Variants in MKRN3 observed in about 807,000 individuals in gnomAD.
MKRN3 encodes E3 ubiquitin-protein ligase makorin-3.
For missense variants in MKRN3, 749 were observed against 667.0 expected (o/e 1.12, Z -1.35); for synonymous variants, 301 against 250.2 (o/e 1.20, Z -1.91).
chr15:23,567,418 T>A lies in MKRN3; in HGVS notation c.*112T>A. 6.6e-7 allele frequency: 1 copy of A among 1,514,658 alleles called. No individual in the cohort carries two copies. Among genetic ancestry groups the A allele is most frequent in the Non-Finnish European group, 8.8e-7 (1 of 1,132,576 alleles). 93.8% of individuals were successfully genotyped at this position (1,514,658 alleles called of 1,614,324 possible). A position where few individuals can be genotyped will look rare whatever the true frequency, so the allele number is the denominator to read the frequency against. ...TCAGGGGCTGTTGAGGCAGTGCTTC[T>A]GTTTTCTTGTCTATTCTGCATATCT... On this transcript the variant is annotated 3_prime_UTR_variant, in exon 1 of 1. Transcript: ENST00000314520.
Position 23,565,718 on chromosome 15 carries a change from C to G in MKRN3, c.-65C>G. The G allele has an allele frequency of 6.9e-7, 1 of 1,448,710 alleles. No homozygotes were observed. Among genetic ancestry groups the G allele is most frequent in the Non-Finnish European group, 9.1e-7 (1 of 1,093,446 alleles). The allele number at this position is 1,448,710 out of a possible 1,614,324, so 89.7% of individuals were successfully genotyped here. ...CTCCGAGCGCGGCCGCCATTCCGGG[C>G]CTCAAGCCCATAAAGAAAAAATACC... On this transcript the variant is annotated 5_prime_UTR_variant, in exon 1 of 1. Transcript: ENST00000314520.
In MKRN3 at chr15:23,567,308, A is replaced by T; in HGVS notation, c.*2A>T. ...GAATATTTCAATTTGATTCTGTAGC[A>T]TCGTGCTGTGGCATGTGGTCTAGTC... On this transcript the variant is annotated 3_prime_UTR_variant, in exon 1 of 1. Coordinates refer to ENST00000314520, the MANE Select transcript of MKRN3 (RefSeq NM_005664.4). The T allele has an allele frequency of 6.2e-7, 1 of 1,613,658 alleles. No homozygotes were observed. Among genetic ancestry groups the T allele is most frequent in the Non-Finnish European group, 8.5e-7 (1 of 1,179,690 alleles).
In MKRN3 at chr15:23,566,528, G is replaced by C; in HGVS notation, c.746G>C (p.Arg249Thr). 1 of 1,614,206 alleles carries C rather than the reference G, an allele frequency of 6.2e-7. No homozygotes were observed. ...SGLRFCYYAS[R>T]GVCFRGESCM... ...TTGCGGTTTTGCTATTATGCTTCCA[G>C]GGGAGTTTGCTTTCGTGGGGAGAGC... Residue 249 changes from arginine to threonine, a missense_variant, in exon 1 of 1, where the codon AGG becomes ACG. Transcript: ENST00000314520.
At position 23,566,782 on chromosome 15, in the gene MKRN3, A is replaced by G; in HGVS notation, c.1000A>G (p.Asn334Asp). The G allele has an allele frequency of 6.2e-7, 1 of 1,614,184 alleles. No individual in the cohort carries two copies. Among genetic ancestry groups the G allele is most frequent in the Non-Finnish European group, 8.5e-7 (1 of 1,180,020 alleles). The part of the protein sequence containing the change: ...PNDRRFGILS[N>D]CNHSFCIRCI... Reference sequence around the variant, plus strand: ...TGACCGCCGCTTTGGCATTCTTTCCAATTGCAACCATTCCTTCTGTATTAG... The same window carrying G: ...TGACCGCCGCTTTGGCATTCTTTCCGATTGCAACCATTCCTTCTGTATTAG... The change falls in exon 1 of 1, where the codon AAT (asparagine) becomes GAT (aspartate). Residue 334 changes from asparagine (N) to aspartate (D), a missense_variant. Coordinates refer to ENST00000314520, the MANE Select transcript of MKRN3 (RefSeq NM_005664.4).
Position 23,567,414 on chromosome 15 carries a change from C to T in MKRN3, c.*108C>T. ...GCTTTCAGGGGCTGTTGAGGCAGTGCTTCTGTTTTCTTGTCTATTCTGCAT... is the reference window on the plus strand; with the variant it reads ...GCTTTCAGGGGCTGTTGAGGCAGTGTTTCTGTTTTCTTGTCTATTCTGCAT... On this transcript the variant is annotated 3_prime_UTR_variant, in exon 1 of 1. Transcript: ENST00000314520. 3 of 1,516,804 alleles carry T rather than the reference C, an allele frequency of 2.0e-6. No individual in the cohort carries two copies. The highest frequency in any genetic ancestry group is 2.6e-6 in the Non-Finnish European group (3 of 1,133,674). 94.0% of individuals were successfully genotyped at this position (1,516,804 alleles called of 1,614,324 possible).
chr15:23,566,313 G>T lies in MKRN3; in HGVS notation c.531G>T (p.Arg177Ser). Residue 177 changes from arginine (R) to serine (S), a missense_variant, in exon 1 of 1, where the codon AGG (arginine) becomes AGT (serine). Physicochemically the swap from Arg to Ser is moderately radical, Grantham distance 110. Coordinates refer to ENST00000314520, the MANE Select transcript of MKRN3 (RefSeq NM_005664.4). Reference protein sequence around the residue: ...SLPVIGSAAERGFFEAERDNA... With the variant: ...SLPVIGSAAESGFFEAERDNA... Reference sequence around the variant, plus strand: ...CTGTGATTGGCTCGGCTGCTGAAAGGGGTTTCTTTGAAGCCGAGAGAGACA... The same window carrying T: ...CTGTGATTGGCTCGGCTGCTGAAAGTGGTTTCTTTGAAGCCGAGAGAGACA... 6.2e-7 allele frequency: 1 copy of T among 1,614,148 alleles called. No homozygotes were observed. Among genetic ancestry groups the T allele is most frequent in the Non-Finnish European group, 8.5e-7 (1 of 1,180,044 alleles).
rs773786543 is a variant in MKRN3 at position 23,566,142 on chromosome 15, C to T, written c.360C>T (p.Asp120=). The T allele has an allele frequency of 2.5e-6, 4 of 1,614,108 alleles. No homozygotes were observed. The highest frequency in any genetic ancestry group is 1.3e-5 in the African/African-American group (1 of 75,074). ...KEGENCRYSH[D]LSGRKMATEG... ...GGGAGAACTGTCGCTATTCGCACGA[C>T]CTTTCTGGTCGGAAGATGGCCACTG... The change falls in exon 1 of 1, where the codon GAC becomes GAT. Residue 120 remains aspartate (D), a synonymous_variant. Transcript: ENST00000314520.
Position 23,566,136 on chromosome 15 carries a change from G to C in MKRN3, c.354G>C (p.Ser118=). The C allele has an allele frequency of 6.2e-7, 1 of 1,614,108 alleles. No individual in the cohort carries two copies. The highest frequency in any genetic ancestry group is 8.5e-7 in the Non-Finnish European group (1 of 1,180,018). The change falls in exon 1 of 1, where the codon TCG becomes TCC. Residue 118 remains serine, a synonymous_variant. Transcript: ENST00000314520. The part of the protein sequence containing the change: ...QCKEGENCRY[S]HDLSGRKMAT... ...AGGAGGGGGAGAACTGTCGCTATTC[G>C]CACGACCTTTCTGGTCGGAAGATGG...
Position 23,566,197 on chromosome 15 carries a change from G to T in MKRN3, c.415G>T (p.Ala139Ser). 1.2e-6 allele frequency: 2 copies of T among 1,613,744 alleles called. No individual in the cohort carries two copies. Among genetic ancestry groups the T allele is most frequent in the Non-Finnish European group, 1.7e-6 (2 of 1,180,040 alleles). ...TGGCGTTTCGCCGCCTGGGGCCTCT[G>T]CAGGTGGAGGCCCTAGCACGGCTGC... ...EGGVSPPGAS[A>S]GGGPSTAAHI... Residue 139 changes from alanine to serine, a missense_variant, in exon 1 of 1, where the codon GCA becomes TCA. Physicochemically the swap from Ala to Ser is moderately conservative, Grantham distance 99. Coordinates refer to ENST00000314520, the MANE Select transcript of MKRN3 (RefSeq NM_005664.4).
chr15:23,566,560 T>C lies in MKRN3; in HGVS notation c.778T>C (p.Tyr260His), dbSNP rs1479996458. 1.2e-6 allele frequency: 2 copies of C among 1,614,226 alleles called. No homozygotes were observed. The change falls in exon 1 of 1, where the codon TAC becomes CAC. Residue 260 changes from tyrosine to histidine, a missense_variant. Coordinates refer to ENST00000314520, the MANE Select transcript of MKRN3 (RefSeq NM_005664.4). ...GVCFRGESCM[Y>H]LHGDICDMCG... is the part of the protein sequence containing the mutation. The stretch of plus-strand genomic sequence containing the variant: ...TTGCTTTCGTGGGGAGAGCTGTATG[T>C]ACCTCCATGGAGACATATGCGACAT...
In MKRN3 at chr15:23,566,286, G is replaced by T. The variant is rs1011130063; in HGVS notation, c.504G>T (p.Leu168Phe). ...EAPPAASSLS[L>F]PVIGSAAERG... Reference sequence around the variant, plus strand: ...CCCCGGCTGCATCCTCCCTTTCCTTGCCTGTGATTGGCTCGGCTGCTGAAA... The same window carrying T: ...CCCCGGCTGCATCCTCCCTTTCCTTTCCTGTGATTGGCTCGGCTGCTGAAA... Residue 168 changes from leucine (L) to phenylalanine (F), a missense_variant, in exon 1 of 1, where the codon TTG (leucine) becomes TTT (phenylalanine). Physicochemically the swap from Leu to Phe is conservative, Grantham distance 22. Coordinates refer to ENST00000314520, the MANE Select transcript of MKRN3 (RefSeq NM_005664.4). 7.4e-6 allele frequency: 12 copies of T among 1,613,976 alleles called. No homozygotes were observed. The Admixed American group carries it at 1.8e-4, about 25-fold the overall frequency.
Position 23,568,003 on chromosome 15 carries a change from G to A in MKRN3, c.*697G>A. 1 of 710,448 alleles carries A rather than the reference G, an allele frequency of 1.4e-6. No individual in the cohort carries two copies. Among genetic ancestry groups the A allele is most frequent in the Non-Finnish European group, 1.7e-6 (1 of 577,668 alleles). 44.0% of individuals were successfully genotyped at this position (710,448 alleles called of 1,614,324 possible). On this transcript the variant is annotated 3_prime_UTR_variant, in exon 1 of 1. Transcript: ENST00000314520. Reference sequence around the variant, plus strand: ...ATAATATTTATGTTTATGTAATAAAGTAAATACAGAGCTGAAAGCTGAAGG... The same window carrying A: ...ATAATATTTATGTTTATGTAATAAAATAAATACAGAGCTGAAAGCTGAAGG...
Position 23,567,144 on chromosome 15 carries a change from C to T in MKRN3, c.1362C>T (p.Gly454=). The T allele has an allele frequency of 6.2e-7, 1 of 1,614,152 alleles. No individual in the cohort carries two copies. The highest frequency in any genetic ancestry group is 1.3e-5 in the African/African-American group (1 of 75,042). ...TGGAGCCTGTGCGAATGGGAGAGGG[C>T]AACATGCTCTATAAAAGCATTAAGA... ...QLVEPVRMGE[G]NMLYKSIKKE... The change falls in exon 1 of 1, where the codon GGC becomes GGT. Residue 454 remains glycine (G), a synonymous_variant. Coordinates refer to ENST00000314520, the MANE Select transcript of MKRN3 (RefSeq NM_005664.4).
Position 23,566,274 on chromosome 15 carries a change from C to G in MKRN3, c.492C>G (p.Ser164=), listed in dbSNP as rs552696758. The G allele has an allele frequency of 1.2e-6, 2 of 1,614,058 alleles. No individual in the cohort carries two copies. Among genetic ancestry groups the G allele is most frequent in the African/African-American group, 1.3e-5 (1 of 75,074 alleles). The change falls in exon 1 of 1, where the codon TCC becomes TCG. Residue 164 remains serine (S), a synonymous_variant. Transcript: ENST00000314520. Reference sequence around the variant, plus strand: ...TGGCGGAAGCCCCCCCGGCTGCATCCTCCCTTTCCTTGCCTGTGATTGGCT... The same window carrying G: ...TGGCGGAAGCCCCCCCGGCTGCATCGTCCCTTTCCTTGCCTGTGATTGGCT... The part of the protein sequence containing the change: ...QEVAEAPPAA[S]SLSLPVIGSA...
chr15:23,567,375 T>C lies in MKRN3; in HGVS notation c.*69T>C, dbSNP rs1889127810. 1 of 1,570,466 alleles carries C rather than the reference T, an allele frequency of 6.4e-7. No individual in the cohort carries two copies. The highest frequency in any genetic ancestry group is 1.4e-5 in the African/African-American group (1 of 73,714). On this transcript the variant is annotated 3_prime_UTR_variant, in exon 1 of 1. Coordinates refer to ENST00000314520, the MANE Select transcript of MKRN3 (RefSeq NM_005664.4). ...TCTGCTATTGCCTGTTTTCCCTGTG[T>C]TGACACTCTTACTGCTTTCAGGGGC...
At position 23,567,118 on chromosome 15, in the gene MKRN3, G is replaced by T. The variant is rs577256541; in HGVS notation, c.1336G>T (p.Val446Leu). Residue 446 changes from valine (V) to leucine (L), a missense_variant, in exon 1 of 1, where the codon GTG becomes TTG. Transcript: ENST00000314520. ...GSFSAYWHQL[V>L]EPVRMGEGNM... The stretch of plus-strand genomic sequence containing the variant: ...ATTCAGCGCATACTGGCATCAACTT[G>T]TGGAGCCTGTGCGAATGGGAGAGGG... 1 of 1,614,214 alleles carries T rather than the reference G, an allele frequency of 6.2e-7. No homozygotes were observed. The highest frequency in any genetic ancestry group is 8.5e-7 in the Non-Finnish European group (1 of 1,180,046).
Position 23,566,758 on chromosome 15 carries a change from G to T in MKRN3, c.976G>T (p.Asp326Tyr). The stretch of plus-strand genomic sequence containing the variant: ...TGTCTATGAGAAGGCCAACCCCAAT[G>T]ACCGCCGCTTTGGCATTCTTTCCAA... ...EVVYEKANPN[D>Y]RRFGILSNCN... The change falls in exon 1 of 1, where the codon GAC (aspartate) becomes TAC (tyrosine). Residue 326 changes from aspartate (D) to tyrosine (Y), a missense_variant. Physicochemically the swap from Asp to Tyr is radical, Grantham distance 160. Coordinates refer to ENST00000314520, the MANE Select transcript of MKRN3 (RefSeq NM_005664.4). The T allele has an allele frequency of 1.2e-6, 2 of 1,614,220 alleles. No homozygotes were observed. The highest frequency in any genetic ancestry group is 2.2e-5 in the South Asian group (2 of 91,064).
Position 23,567,850 on chromosome 15 carries a change from A to G in MKRN3, c.*544A>G, listed in dbSNP as rs1889137938. ...CAAGTGTATATGTTTACATGTTTTTATCCTGTTTAGCTTGACATGAAATAA... is the reference window on the plus strand; with the variant it reads ...CAAGTGTATATGTTTACATGTTTTTGTCCTGTTTAGCTTGACATGAAATAA... On this transcript the variant is annotated 3_prime_UTR_variant, in exon 1 of 1. Coordinates refer to ENST00000314520, the MANE Select transcript of MKRN3 (RefSeq NM_005664.4). 1.0e-6 allele frequency: 1 copy of G among 983,882 alleles called. No individual in the cohort carries two copies. Among genetic ancestry groups the G allele is most frequent in the African/African-American group, 1.8e-5 (1 of 56,940 alleles). 60.9% of individuals were successfully genotyped at this position (983,882 alleles called of 1,614,324 possible). A position where few individuals can be genotyped will look rare whatever the true frequency, so the allele number is the denominator to read the frequency against.
In MKRN3 at chr15:23,566,544, T is replaced by G; in HGVS notation, c.762T>G (p.Arg254=). 6.2e-7 allele frequency: 1 copy of G among 1,614,094 alleles called. No homozygotes were observed. The highest frequency in any genetic ancestry group is 8.5e-7 in the Non-Finnish European group (1 of 1,180,010). Residue 254 remains arginine, a synonymous_variant, in exon 1 of 1, where the codon CGT becomes CGG. Transcript: ENST00000314520. ...ATGCTTCCAGGGGAGTTTGCTTTCG[T>G]GGGGAGAGCTGTATGTACCTCCATG... The part of the protein sequence containing the change: ...CYYASRGVCF[R]GESCMYLHGD...
Sources: gnomAD v4.1 joint callset for allele counts on GRCh38, gnomAD v4.1.1 for gene constraint, MANE v1.5 for transcripts, NCBI Gene and HGNC (gene_info 2026-07-23, HGNC 2026-07-21) for gene names.